NEK5: variants seen among roughly 807,000 people sequenced by gnomAD.
NEK5 encodes the protein NIMA related kinase 5, also known as serine/threonine-protein kinase Nek5.
A neutral mutation model predicts 109.2 loss-of-function variants in NEK5; 88 were observed. That is an observed-to-expected ratio of 0.81 (90% CI 0.68 to 0.96). NEK5 has a LOEUF of 0.96. NEK5 is among the 40% of genes least tolerant of loss of function. The pLI, the probability that NEK5 is intolerant of heterozygous loss-of-function variation, is 0.00. For synonymous variants in NEK5, 283 were observed against 299.9 expected, an observed-to-expected ratio of 0.94 and a Z score of 0.58; for missense variants, 834 against 920.7, an observed-to-expected ratio of 0.91 and a Z score of 1.22.
rs1043836460 is a variant in NEK5 at position 52,114,023 on chromosome 13, T to C, written c.215-1658A>G. On this transcript the variant is annotated intron_variant, in intron 4 of 23. Transcript: ENST00000684899. The stretch of plus-strand genomic sequence containing the variant: ...TGTTTATAAGCCACCTAGTTTATGG[T>C]ATTTTGTTATAGCTGCTGGAATAGA... 2.6e-5 allele frequency among the ~76,000 whole-genome samples: 4 copies of C among 152,242 alleles called. No individual in the cohort carries two copies. In the East Asian group the frequency reaches 5.8e-4, roughly 22 times the overall value.
At chr13:52,068,355 C>A (rs1363393417) in intron 20 of NEK5, among the ~76,000 whole-genome samples, 1 of 152,042 alleles carries the variant, frequency 6.6e-6, no homozygotes, top group Non-Finnish European at 1.5e-5. Flanking sequence ...ACCGTTATTT[C>A]TCTCCATTTA....
At chr13:52,065,888 T>C (rs1348243438) in intron 20 of NEK5, among the ~76,000 whole-genome samples, 1 of 152,244 alleles carries the variant, frequency 6.6e-6, no homozygotes, top group Non-Finnish European at 1.5e-5. Flanking sequence ...ATGAGAACTT[T>C]CAATCTAGTC....
chr13:52,076,958 A>T (rs1325397654), intron 17 of NEK5, among the ~76,000 whole-genome samples: 2 of 152,242 alleles, frequency 1.3e-5, no homozygotes, highest in Non-Finnish European at 2.9e-5. Context: ...CGAATGACAT[A>T]ATTTCAGAAA....
chr13:52,122,584 T>C (rs866731969), intron 3 of NEK5, among the ~76,000 whole-genome samples: 1 of 152,126 alleles, frequency 6.6e-6, no homozygotes, highest in Non-Finnish European at 1.5e-5. Flanking sequence ...CTGGCCAACA[T>C]AGTGAAAGCC....
Position 52,102,069 on chromosome 13 carries a change from C to A in NEK5, c.810+23G>T, listed in dbSNP as rs761800827. On this transcript the variant is annotated intron_variant, in intron 10 of 23. Coordinates refer to ENST00000684899, the MANE Select transcript of NEK5 (RefSeq NM_001365552.1). ...GCAACCCAAAATCTCTGCCAAAATC[C>A]AAACAGTCACCTCAAAACTTACCTC... 3.7e-6 allele frequency: 6 copies of A among 1,612,046 alleles called. No homozygotes were observed. In the Admixed American group the frequency reaches 1.0e-4, roughly 27 times the overall value.
At chr13:52,059,969 A>C (rs1265719770) in intron 22 of NEK5, among the ~76,000 whole-genome samples, 1 of 151,264 alleles carries the variant, frequency 6.6e-6, no homozygotes, top group Non-Finnish European at 1.5e-5. Flanking sequence ...AAAAAATAAA[A>C]AAATAATAAT....
At position 52,061,856 on chromosome 13, in the gene NEK5, ATG is replaced by A; in HGVS notation, c.2071_2072del (p.His691SerfsTer4). Reference sequence around the variant, plus strand: ...CGGCAGAAAATGAGCTACTCGTTAGATGTGCTGCTGCCAAAACACTCATTAAA... The same window carrying A: ...CGGCAGAAAATGAGCTACTCGTTAGATGCTGCTGCCAAAACACTCATTAAA... Reference protein sequence around the residue: ...GTLMSVLAAAHLTSSSFSADE... With the variant: ...GTLMSVLAAAXLTSSSFSADE... On this transcript the variant is annotated frameshift_variant, in exon 22 of 24. Transcript: ENST00000684899. LOFTEE classifies it high-confidence loss of function. 1 of 985,852 alleles carries A rather than the reference ATG, an allele frequency of 1.0e-6. No homozygotes were observed. Among genetic ancestry groups the A allele is most frequent in the Non-Finnish European group, 1.2e-6 (1 of 829,908 alleles). 61.1% of individuals were successfully genotyped at this position (985,852 alleles called of 1,614,324 possible). A position where few individuals can be genotyped will look rare whatever the true frequency, so the allele number is the denominator to read the frequency against.
chr13:52,123,789 T>A (rs963940935), intron 3 of NEK5, among the ~76,000 whole-genome samples: 30 of 148,898 alleles, frequency 2.0e-4, no homozygotes, highest in Non-Finnish European at 1.7e-4. Context: ...CAGAGAAGGA[T>A]AAATTCTTTA....
At position 52,056,378 on chromosome 13, in the gene NEK5, G is replaced by A. The variant is rs549820675; in HGVS notation, c.2110+5441C>T. 7.2e-3 allele frequency among the ~76,000 whole-genome samples: 1,089 copies of A among 151,896 alleles called. 17 individuals are homozygous for A. Among genetic ancestry groups the A allele is most frequent in the African/African-American group, 0.025 (1,053 of 41,378 alleles). ...CTTTAACACCCCACTGTCAACATTA[G>A]ACAGATCAACGAGACAGAAAATCAA... On this transcript the variant is annotated intron_variant, in intron 22 of 23. Transcript: ENST00000684899.
chr13:52,081,584 C>A (rs1955014485), intron 17 of NEK5, among the ~76,000 whole-genome samples: 1 of 152,088 alleles, frequency 6.6e-6, no homozygotes, highest in Non-Finnish European at 1.5e-5. Context: ...AGTTCTGTAA[C>A]CTTCTTATAA....
At chr13:52,072,729 T>C (rs545605038) in intron 19 of NEK5, among the ~76,000 whole-genome samples, 1 of 152,310 alleles carries the variant, frequency 6.6e-6, no homozygotes, top group Non-Finnish European at 1.5e-5. Flanking sequence ...AGTCTTTATG[T>C]AGCAAATGCT....
At chr13:52,077,333 T>C (rs1437808465) in intron 17 of NEK5, among the ~76,000 whole-genome samples, 3 of 152,202 alleles carry the variant, frequency 2.0e-5, no homozygotes, top group Admixed American at 6.5e-5. Context: ...AAACATATAA[T>C]AGATAAATGG....
At chr13:52,120,197 C>T (rs1028559784) in intron 3 of NEK5, among the ~76,000 whole-genome samples, 2 of 152,052 alleles carry the variant, frequency 1.3e-5, no homozygotes, top group African/African-American at 4.8e-5. Flanking sequence ...TTCTAGCTTC[C>T]CTACATCTCA....
In NEK5 at chr13:52,104,491, T is replaced by C. The variant is rs1364997373; in HGVS notation, c.609+7A>G. 18 of 1,572,638 alleles carry C rather than the reference T, an allele frequency of 1.1e-5. No individual in the cohort carries two copies. The highest frequency in any genetic ancestry group is 1.6e-5 in the Non-Finnish European group (18 of 1,142,490). ...TTCAAGATTAGTCTGACAATGAGCATACTTACAGGATGTTTAAGTGTGCAG... is the reference window on the plus strand; with the variant it reads ...TTCAAGATTAGTCTGACAATGAGCACACTTACAGGATGTTTAAGTGTGCAG... On this transcript the variant is annotated splice_region_variant and intron_variant, in intron 9 of 23. Coordinates refer to ENST00000684899, the MANE Select transcript of NEK5 (RefSeq NM_001365552.1).
intron 20 of NEK5, among the ~76,000 whole-genome samples, chr13:52,066,872 C>T (rs1456043080): frequency 6.6e-6 from 1 of 151,324 alleles, no homozygotes; most frequent in East Asian, 1.9e-4. Context: ...ACATATAACT[C>T]TTTTTTAAAA....
At chr13:52,070,023 G>C (rs1593934659) in intron 20 of NEK5, among the ~76,000 whole-genome samples, 1 of 152,358 alleles carries the variant, frequency 6.6e-6, no homozygotes, top group East Asian at 1.9e-4. Context: ...CCAGTGAGCA[G>C]TCTTTGGCAC....
intron 22 of NEK5, 107 bp downstream of exon 22, chr13:52,061,712 C>T (rs572829104): frequency 3.3e-6 from 1 of 303,166 alleles, no homozygotes; most frequent in African/African-American, 2.3e-5. Flanking sequence ...AGACACCCTC[C>T]CAATTCTCTC....
rs180890805 is a variant in NEK5, at chr13:52,041,438, A to C, written c.2229-4220T>G. On this transcript the variant is annotated intron_variant, in intron 23 of 23. Transcript: ENST00000684899. ...CAATAGATGGTACCCAGATAGGCTT[A>C]GAAAACAGTATTCAAGGATTCATCC... 3.5e-3 allele frequency among the ~76,000 whole-genome samples: 531 copies of C among 152,276 alleles called. 4 individuals are homozygous for C. Among genetic ancestry groups the C allele is most frequent in the Middle Eastern group, 0.01 (3 of 292 alleles).
intron 21 of NEK5, among the ~76,000 whole-genome samples, chr13:52,063,642 G>A (rs903177350): frequency 2.9e-5 from 4 of 135,858 alleles, no homozygotes; most frequent in Admixed American, 7.6e-5. Flanking sequence ...ATCTCTGCCC[G>A]GCCACCCATC....
Sources: gnomAD v4.1 joint callset for allele counts (sites outside exome capture counted in the v4.1 genomes callset) on GRCh38, gnomAD v4.1.1 for gene constraint, MANE v1.5 for transcripts, NCBI Gene and HGNC (gene_info 2026-07-23, HGNC 2026-07-21) for gene names.